Variants in TNR observed in about 807,000 individuals in gnomAD.
TNR encodes tenascin-R.
In TNR, 45 loss-of-function variants were observed where a neutral mutation model predicts 150.4. The ratio of observed to expected loss-of-function variants is 0.30; its 90% CI spans 0.24 to 0.38. TNR has a LOEUF of 0.38. TNR is among the 10% of genes least tolerant of loss of function. The probability of loss-of-function intolerance (pLI) is 1.00; values close to 1 mark genes in which losing one functional copy is unlikely to be tolerated. For synonymous variants in TNR, 687 were observed against 678.4 expected, an observed-to-expected ratio of 1.01 and a Z score of -0.20; for missense variants, 1,544 against 1,759.1, an observed-to-expected ratio of 0.88 and a Z score of 2.19.
At chr1:175,725,711 G>A (rs76004920) in intron 1 of TNR, among the ~76,000 whole-genome samples, 2,918 of 152,346 alleles carry the variant, frequency 0.019, 98 homozygotes, top group African/African-American at 0.065. Flanking sequence ...GGTGCTAGCA[G>A]GTTAGAAATG....
intron 1 of TNR, among the ~76,000 whole-genome samples, chr1:175,531,023 A>T (rs1209838952): frequency 1.3e-5 from 2 of 152,172 alleles, no homozygotes; most frequent in East Asian, 3.8e-4. Context: ...AGGGAGAGGG[A>T]CATGGGAACT....
chr1:175,410,195 G>A (rs1188883728), intron 2 of TNR, among the ~76,000 whole-genome samples: 1 of 152,192 alleles, frequency 6.6e-6, no homozygotes, highest in Non-Finnish European at 1.5e-5. Context: ...GAGACATAGT[G>A]TGGCTGGGGC....
chr1:175,736,729 T>G (rs919452999), intron 1 of TNR, among the ~76,000 whole-genome samples: 12 of 151,746 alleles, frequency 7.9e-5, no homozygotes, highest in African/African-American at 2.2e-4. Flanking sequence ...GTGGAAGAAC[T>G]TAGTCTCTGT....
At chr1:175,382,022 C>T (rs1652701905) in intron 8 of TNR, among the ~76,000 whole-genome samples, 1 of 152,256 alleles carries the variant, frequency 6.6e-6, no homozygotes, top group Non-Finnish European at 1.5e-5. Context: ...TCATCTAGGT[C>T]TCAGTTAAAA....
chr1:175,716,439 T>C (rs1667156107), intron 1 of TNR, among the ~76,000 whole-genome samples: 1 of 152,184 alleles, frequency 6.6e-6, no homozygotes, highest in African/African-American at 2.4e-5. Context: ...TGCATTCTAG[T>C]TGTCATGGCT....
intron 2 of TNR, among the ~76,000 whole-genome samples, chr1:175,418,917 GTT>G (rs1231611784): frequency 6.6e-6 from 1 of 152,190 alleles, no homozygotes; most frequent in Non-Finnish European, 1.5e-5. Flanking sequence ...AGCCAGCAAT[GTT>G]TTCAAAGCAG....
Position 175,635,079 on chromosome 1 carries a change from A to G in TNR, c.-164-106710T>C, listed in dbSNP as rs145685435. Among the ~76,000 whole-genome samples the G allele has an allele frequency of 1.7e-3, 266 of 152,292 alleles. 1 individual carries two copies. Among genetic ancestry groups the G allele is most frequent in the African/African-American group, 3.8e-3 (156 of 41,554 alleles). On this transcript the variant is annotated intron_variant, in intron 1 of 22. Transcript: ENST00000367674. ...ATCTCTAGTTTGTTAGACAGTTAATAAGGTATATCCCAGAAAACAAGAGGG... is the reference window on the plus strand; with the variant it reads ...ATCTCTAGTTTGTTAGACAGTTAATGAGGTATATCCCAGAAAACAAGAGGG...
At position 175,456,751 on chromosome 1, in the gene TNR, A is replaced by G. The variant is rs116422061; in HGVS notation, c.-63-49974T>C. 8.5e-3 allele frequency among the ~76,000 whole-genome samples: 1,291 copies of G among 152,350 alleles called. 18 individuals are homozygous for G. The highest frequency in any genetic ancestry group is 0.03 in the African/African-American group (1,235 of 41,580). On this transcript the variant is annotated intron_variant, in intron 2 of 22. Transcript: ENST00000367674. ...TTCCCTCCACATCTCTTAGTATCAT[A>G]AATTATTATAGCTAGAAGAAATCAG...
chr1:175,344,482 T>A (rs1236318600), intron 18 of TNR, among the ~76,000 whole-genome samples: 1 of 152,224 alleles, frequency 6.6e-6, no homozygotes, highest in African/African-American at 2.4e-5. Flanking sequence ...CCTATTCTCC[T>A]GCCTCAATAG....
intron 1 of TNR, among the ~76,000 whole-genome samples, chr1:175,651,234 T>G (rs1404981915): frequency 6.8e-6 from 1 of 146,886 alleles, no homozygotes; most frequent in Non-Finnish European, 1.5e-5. Context: ...TTACTAAGCT[T>G]CCAGCATTAC....
chr1:175,480,758 A>G (rs1657771942), intron 2 of TNR, among the ~76,000 whole-genome samples: 2 of 152,304 alleles, frequency 1.3e-5, no homozygotes, highest in South Asian at 4.1e-4. Flanking sequence ...CTCCAAAGCC[A>G]CTATTCATAC....
chr1:175,474,161 T>G (rs1053828413), intron 2 of TNR, among the ~76,000 whole-genome samples: 1 of 152,074 alleles, frequency 6.6e-6, no homozygotes, highest in East Asian at 1.9e-4. Context: ...GTGGACACAA[T>G]GGGGAGAAGA....
rs1652565690 is a variant in TNR, at chr1:175,379,458, G to A, written c.1963+94C>T. On this transcript the variant is annotated intron_variant, in intron 9 of 22. Transcript: ENST00000367674. ...TTAAGAGATGAGATCAATAGGAATT[G>A]GCCATGGGTTTGTAAGATGTGTAGG... is the stretch of plus-strand genomic sequence containing the variant. The A allele has an allele frequency of 3.6e-6, 4 of 1,113,066 alleles. No homozygotes were observed. The South Asian group carries it at 6.1e-5, about 17-fold the overall frequency. The allele number at this position is 1,113,066 out of a possible 1,614,324, so 68.9% of individuals were successfully genotyped here.
intron 1 of TNR, among the ~76,000 whole-genome samples, chr1:175,684,322 C>T (rs994211371): frequency 8.5e-5 from 13 of 152,290 alleles, no homozygotes; most frequent in African/African-American, 3.1e-4. Context: ...GCCTACCCTC[C>T]TACCCTCCCA....
At chr1:175,437,662 T>A (rs949196010) in intron 2 of TNR, among the ~76,000 whole-genome samples, 2 of 151,458 alleles carry the variant, frequency 1.3e-5, no homozygotes, top group Non-Finnish European at 2.9e-5. Flanking sequence ...GAGAGAAGAA[T>A]CAAATAGACG....
Position 175,386,081 on chromosome 1 carries a change from G to C in TNR, c.1728C>G (p.Ala576=), listed in dbSNP as rs144742450. Residue 576 remains alanine (A), a synonymous_variant, in exon 8 of 23, where the codon GCC becomes GCG. Transcript: ENST00000367674. ...PGSRYEVSVS[A]VRGTNESDSA... ...AATCGCTCTCGTTGGTCCCTCGGACGGCACTGACTGACACCTCGTATCGGG... is the reference window on the plus strand; with the variant it reads ...AATCGCTCTCGTTGGTCCCTCGGACCGCACTGACTGACACCTCGTATCGGG... 2 of 1,610,196 alleles carry C rather than the reference G, an allele frequency of 1.2e-6. No homozygotes were observed. Among genetic ancestry groups the C allele is most frequent in the Non-Finnish European group, 1.7e-6 (2 of 1,177,190 alleles).
chr1:175,353,920 A>ACT (rs145147859), intron 18 of TNR, among the ~76,000 whole-genome samples: 2,977 of 151,348 alleles, frequency 0.02, 106 homozygotes, highest in African/African-American at 0.069. Context: ...ATCTCAGCTC[A>ACT]CTGCAACCTC....
intron 2 of TNR, among the ~76,000 whole-genome samples, chr1:175,467,061 C>T (rs574042795): frequency 3.9e-5 from 6 of 152,200 alleles, no homozygotes; most frequent in African/African-American, 7.2e-5. Flanking sequence ...ATATTAGATT[C>T]GACCCATCAG....
chr1:175,537,578 A>G (rs911187882), intron 1 of TNR, among the ~76,000 whole-genome samples: 4 of 152,192 alleles, frequency 2.6e-5, no homozygotes, highest in African/African-American at 7.2e-5. Flanking sequence ...AACAAGTTCA[A>G]TTTTAATTTG....
Sources: gnomAD v4.1 joint callset for allele counts (sites outside exome capture counted in the v4.1 genomes callset) on GRCh38, gnomAD v4.1.1 for gene constraint, MANE v1.5 for transcripts, NCBI Gene and HGNC (gene_info 2026-07-23, HGNC 2026-07-21) for gene names.